The following CCDC180 variants were observed in gnomAD, a reference collection of about 807,000 sequenced individuals.
CCDC180 encodes coiled-coil domain containing 180.
In CCDC180, 154 loss-of-function variants were observed where a neutral mutation model predicts 209.2. The ratio of observed to expected loss-of-function variants is 0.74; its 90% confidence interval spans 0.65 to 0.84. The LOEUF (loss-of-function observed/expected upper bound fraction) is 0.84, where lower values mean the gene tolerates loss of function less well. Among genes scored for constraint, CCDC180 ranks in the 40% least tolerant of loss-of-function variants. The probability of loss-of-function intolerance (pLI) is 0.00; values close to 1 mark genes in which losing one functional copy is unlikely to be tolerated. For missense variants in CCDC180, 1,874 were observed against 1,997.3 expected (o/e 0.94, Z 1.18); for synonymous variants, 778 against 749.1 (o/e 1.04, Z -0.63).
chr9:97,317,040 G>T, intron 8 of CCDC180, 25 bp from the exon 9 acceptor site: 1 of 1,593,310 alleles, frequency 6.3e-7, no homozygotes, highest in Non-Finnish European at 8.6e-7. Flanking sequence ...GCCCTGTCTA[G>T]AGCCCTGCCC....
At chr9:97,367,649 T>A (rs1826965869) in intron 31 of CCDC180, among the ~76,000 whole-genome samples, 1 of 152,176 alleles carries the variant, frequency 6.6e-6, no homozygotes, top group East Asian at 1.9e-4. Flanking sequence ...AATTTTTGTA[T>A]TTTTAGTAAA....
chr9:97,330,325 C>T lies in CCDC180; in HGVS notation c.1832C>T (p.Ala611Val). The T allele has an allele frequency of 3.1e-6, 5 of 1,612,948 alleles. No homozygotes were observed. The highest frequency in any genetic ancestry group is 4.2e-6 in the Non-Finnish European group (5 of 1,179,458). The part of the protein sequence containing the change: ...EVIFKFRQPE[A>V]HEKPSQKRVK... ...CTTTGGTGTTTATCATCAACAGAAG[C>T]ACATGAAAAACCCTCCCAGAAGAGA... is the stretch of plus-strand genomic sequence containing the variant. Residue 611 changes from alanine (A) to valine (V), a missense_variant, in exon 18 of 37, where the codon GCA (alanine) becomes GTA (valine). Coordinates refer to ENST00000529487, the MANE Select transcript of CCDC180 (RefSeq NM_020893.6).
rs746022599 is a variant in CCDC180, at chr9:97,308,127, G to A, written c.64G>A (p.Ala22Thr). 48 of 1,601,512 alleles carry A rather than the reference G, an allele frequency of 3.0e-5. No homozygotes were observed. Among genetic ancestry groups the A allele is most frequent in the Non-Finnish European group, 4.0e-5 (47 of 1,174,222 alleles). The change falls in exon 2 of 37, where the codon GCT (alanine) becomes ACT (threonine). Residue 22 changes from alanine to threonine, a missense_variant. Ala to Thr is a moderately conservative substitution (Grantham distance 58). Transcript: ENST00000529487. ...NGKAYQQIFQ[A>T]EVQLVHSLAA... ...GAAAGCCTACCAGCAGATCTTCCAGGCTGAGGTAGGAGCCGCCCTCTGTCC... is the reference window on the plus strand; with the variant it reads ...GAAAGCCTACCAGCAGATCTTCCAGACTGAGGTAGGAGCCGCCCTCTGTCC...
chr9:97,374,741 G>C, intron 35 of CCDC180, 93 bp downstream of exon 35: 2 of 964,868 alleles, frequency 2.1e-6, no homozygotes, highest in Non-Finnish European at 3.2e-6. Context: ...TCTGAAGTCA[G>C]ACAGACCTGG....
intron 22 of CCDC180, among the ~76,000 whole-genome samples, chr9:97,352,945 G>GTATATA (rs538679980): frequency 2.2e-5 from 3 of 136,378 alleles, no homozygotes; most frequent in South Asian, 2.4e-4. Flanking sequence ...ATATACGTAT[G>GTATATA]TATATATATA....
At position 97,361,670 on chromosome 9, in the gene CCDC180, C is replaced by T. The variant is rs1826755799; in HGVS notation, c.3484-56C>T. The T allele has an allele frequency of 5.1e-6, 8 of 1,574,990 alleles. No homozygotes were observed. In the East Asian group the frequency reaches 1.8e-4, roughly 35 times the overall value. Reference sequence around the variant, plus strand: ...AGGGAACATGAATTCGGCCTGCTGCCTCGCTGGCACCTGGGCTGGTCCTTA... The same window carrying T: ...AGGGAACATGAATTCGGCCTGCTGCTTCGCTGGCACCTGGGCTGGTCCTTA... On this transcript the variant is annotated intron_variant, in intron 26 of 36. Transcript: ENST00000529487.
At chr9:97,361,977 C>G in intron 27 of CCDC180, 79 bp downstream of exon 27, 2 of 1,517,620 alleles carry the variant, frequency 1.3e-6, no homozygotes, top group Non-Finnish European at 1.8e-6. Flanking sequence ...GCTTTGGGGC[C>G]CCACACACTG....
intron 19 of CCDC180, 126 bp from the exon 20 acceptor site, chr9:97,347,188 G>T: frequency 1.2e-6 from 1 of 864,852 alleles, no homozygotes; most frequent in Non-Finnish European, 1.7e-6. Context: ...ACAATGAAAT[G>T]CAATGTAGCT....
intron 24 of CCDC180, among the ~76,000 whole-genome samples, chr9:97,356,244 C>T (rs186134992): frequency 3.9e-5 from 6 of 152,186 alleles, no homozygotes; most frequent in Admixed American, 3.9e-4. Context: ...TGTTTGAGGG[C>T]CCACTAGGAC....
Position 97,312,171 on chromosome 9 carries a change from C to T in CCDC180, c.319C>T (p.Arg107Ter), listed in dbSNP as rs1457999197. The T allele has an allele frequency of 4.3e-6, 7 of 1,613,892 alleles. No homozygotes were observed. The African/African-American group carries it at 5.3e-5, about 12-fold the overall frequency. The change falls in exon 4 of 37, where the codon CGA becomes TGA. Residue 107 changes from arginine (R) to a stop codon, truncating the protein, a stop_gained. Coordinates refer to ENST00000529487, the MANE Select transcript of CCDC180 (RefSeq NM_020893.6). LOFTEE classifies it high-confidence loss of function. The part of the protein sequence containing the change: ...ARESENTIAA[R>*]EVRGLMDTIV... ...AGAGAGTGAGAACACCATCGCTGCC[C>T]GAGAAGTGCGGGGTCTCATGGATAC...
chr9:97,324,728 T>C (rs936411139), intron 13 of CCDC180, among the ~76,000 whole-genome samples: 4 of 152,204 alleles, frequency 2.6e-5, no homozygotes, highest in East Asian at 1.9e-4. Context: ...TTTTTAGGAA[T>C]GGCCCAAACT....
intron 3 of CCDC180, among the ~76,000 whole-genome samples, chr9:97,310,412 C>T (rs1193924591): frequency 2.2e-5 from 2 of 90,648 alleles, no homozygotes; most frequent in Non-Finnish European, 4.3e-5. Flanking sequence ...CAGATGAGAG[C>T]AGGCGGGGGT....
chr9:97,309,530 G>T lies in CCDC180; in HGVS notation c.186G>T (p.Val62=), dbSNP rs776631023. 28 of 1,601,136 alleles carry T rather than the reference G, an allele frequency of 1.7e-5. No individual in the cohort carries two copies. In the Admixed American group the frequency reaches 3.8e-4, roughly 22 times the overall value. The change falls in exon 3 of 37, where the codon GTG becomes GTT. Residue 62 remains valine, a synonymous_variant. Transcript: ENST00000529487. ...AGGTGGAGACTCCTGAAGGGGAGGT[G>T]ATGTCTCCCCGACAGCAGAAGTGGA... The part of the protein sequence containing the change: ...MKKVETPEGE[V]MSPRQQKWMH...
chr9:97,313,298 G>A lies in CCDC180; in HGVS notation c.412G>A (p.Glu138Lys), dbSNP rs763814761. 13 of 1,612,532 alleles carry A rather than the reference G, an allele frequency of 8.1e-6. No homozygotes were observed. The East Asian group carries it at 2.0e-4, about 25-fold the overall frequency. Reference protein sequence around the residue: ...RQAEHKRKSYESALASFQEEI... With the variant: ...RQAEHKRKSYKSALASFQEEI... ...AGCAGAACACAAGAGGAAGAGCTAC[G>A]AGAGCGCTCTGGCCAGCTTTCAGGA... The change falls in exon 5 of 37, where the codon GAG (glutamate) becomes AAG (lysine). Residue 138 changes from glutamate to lysine, a missense_variant. By Grantham distance (56) the Glu-to-Lys change is moderately conservative. Coordinates refer to ENST00000529487, the MANE Select transcript of CCDC180 (RefSeq NM_020893.6).
chr9:97,350,643 A>G (rs1405001890), intron 22 of CCDC180, 88 bp downstream of exon 22: 1 of 1,367,416 alleles, frequency 7.3e-7, no homozygotes, highest in Admixed American at 2.3e-5. Flanking sequence ...TTTAGTTTTG[A>G]CAAAATAAAC....
At chr9:97,349,603 C>T (rs1029620076) in intron 21 of CCDC180, among the ~76,000 whole-genome samples, 3 of 152,184 alleles carry the variant, frequency 2.0e-5, no homozygotes, top group African/African-American at 4.8e-5. Flanking sequence ...GGGCTTCCTG[C>T]AGGAGGCAGC....
At chr9:97,327,861 G>A (rs1870859) in intron 15 of CCDC180, among the ~76,000 whole-genome samples, 159 bp from the exon 16 acceptor site, 27,779 of 152,120 alleles carry the variant, frequency 0.18, 3,165 homozygotes, top group Middle Eastern at 0.27. Context: ...TGTATTTCTC[G>A]TATGATCAGA....
At chr9:97,362,535 GA>G in intron 28 of CCDC180, 94 bp downstream of exon 28, 1 of 1,527,118 alleles carries the variant, frequency 6.5e-7, no homozygotes, top group Non-Finnish European at 8.8e-7. Flanking sequence ...CTTTTCCTCA[GA>G]AGGCACCACA....
intron 36 of CCDC180, 151 bp downstream of exon 36, chr9:97,375,740 C>G: frequency 1.2e-6 from 1 of 860,474 alleles, no homozygotes; most frequent in Non-Finnish European, 1.8e-6. Flanking sequence ...GGTCTCAACA[C>G]TCAGGACAGT....
Sources: allele counts gnomAD v4.1 joint callset (sites outside exome capture counted in the v4.1 genomes callset), GRCh38; gene constraint gnomAD v4.1.1; transcripts MANE v1.5; gene names NCBI Gene and HGNC (gene_info 2026-07-23, HGNC 2026-07-21).